Variants in PSAP observed in about 807,000 individuals in gnomAD.
PSAP encodes precursor of saposins.
In PSAP, 25 loss-of-function variants were observed where a neutral mutation model predicts 66.0. The observed-to-expected ratio is 0.38, with a 90% confidence interval of 0.28 to 0.53. The LOEUF is 0.53. Among genes scored for constraint, PSAP ranks in the 20% least tolerant of loss-of-function variants. The pLI, the probability that PSAP is intolerant of heterozygous loss-of-function variation, is 0.83. For synonymous variants in PSAP, 273 were observed against 258.9 expected (o/e 1.05, Z -0.52); for missense variants, 649 against 668.8 (o/e 0.97, Z 0.33).
intron 7 of PSAP, among the ~76,000 whole-genome samples, chr10:71,824,664 C>T (rs560974756): frequency 3.9e-5 from 6 of 152,310 alleles, no homozygotes; most frequent in African/African-American, 1.4e-4. Flanking sequence ...CAATGGCCAA[C>T]ATATTTTTAG....
chr10:71,829,906 G>T (rs995230384), intron 4 of PSAP, among the ~76,000 whole-genome samples: 1 of 152,106 alleles, frequency 6.6e-6, no homozygotes, highest in African/African-American at 2.4e-5. Context: ...GCTGAGATGG[G>T]AGAATCACTT....
chr10:71,830,221 A>C (rs1430854267), intron 4 of PSAP, among the ~76,000 whole-genome samples: 3 of 152,124 alleles, frequency 2.0e-5, no homozygotes, highest in Non-Finnish European at 2.9e-5. Flanking sequence ...CCATTTTAGC[A>C]AATAACTCCA....
chr10:71,842,079 A>ATT (rs2133063321), intron 1 of PSAP, among the ~76,000 whole-genome samples: 1 of 152,196 alleles, frequency 6.6e-6, no homozygotes, highest in South Asian at 2.1e-4. Flanking sequence ...CAAATCATCT[A>ATT]AACCAGTGGT....
intron 5 of PSAP, 115 bp from the exon 6 acceptor site, chr10:71,828,272 GC>G (rs1842433897): frequency 9.6e-7 from 1 of 1,042,272 alleles, no homozygotes; most frequent in Non-Finnish European, 1.5e-6. Context: ...TTCCTAAGAT[GC>G]TTTACAGGCT....
chr10:71,820,801 G>A (rs1469761717), intron 8 of PSAP, among the ~76,000 whole-genome samples: 2 of 152,172 alleles, frequency 1.3e-5, no homozygotes, highest in East Asian at 3.8e-4. Flanking sequence ...ATTAGCACTT[G>A]AGAATGCTCT....
chr10:71,827,042 T>C (rs888644723), intron 6 of PSAP, among the ~76,000 whole-genome samples: 7 of 152,190 alleles, frequency 4.6e-5, no homozygotes, highest in African/African-American at 1.7e-4. Flanking sequence ...TCAGCGACCA[T>C]GCTTGCTGCA....
intron 1 of PSAP, among the ~76,000 whole-genome samples, chr10:71,847,203 C>G (rs1842839318): frequency 6.6e-6 from 1 of 152,044 alleles, no homozygotes; most frequent in Non-Finnish European, 1.5e-5. Flanking sequence ...ACCTGTAATC[C>G]CAGCACTTTG....
At chr10:71,833,222 G>C (rs971482333) in intron 2 of PSAP, among the ~76,000 whole-genome samples, 7 of 152,080 alleles carry the variant, frequency 4.6e-5, no homozygotes, top group Non-Finnish European at 8.8e-5. Context: ...ACAGCACTAT[G>C]GGAGGCAGGA....
At chr10:71,848,428 GGA>G (rs1201155562) in intron 1 of PSAP, among the ~76,000 whole-genome samples, 1 of 152,148 alleles carries the variant, frequency 6.6e-6, no homozygotes, top group Non-Finnish European at 1.5e-5. Context: ...CTATGATTTG[GGA>G]GAGTCACCTC....
intron 8 of PSAP, 76 bp downstream of exon 8, chr10:71,821,800 A>C (rs1195582834): frequency 1.9e-6 from 3 of 1,596,486 alleles, no homozygotes; most frequent in Non-Finnish European, 2.6e-6. Flanking sequence ...AGTGACTCGT[A>C]AGATGTGATG....
chr10:71,824,444 C>G (rs1022711440), intron 7 of PSAP, among the ~76,000 whole-genome samples: 3 of 152,226 alleles, frequency 2.0e-5, no homozygotes, highest in Non-Finnish European at 4.4e-5. Context: ...TGCTTCCATT[C>G]AGCAGTTCCA....
At chr10:71,843,313 C>T (rs1842761706) in intron 1 of PSAP, among the ~76,000 whole-genome samples, 2 of 152,128 alleles carry the variant, frequency 1.3e-5, no homozygotes, top group African/African-American at 4.8e-5. Flanking sequence ...GGGGGAGGAG[C>T]TGAGAGGTGG....
At chr10:71,821,780 G>C in intron 8 of PSAP, 96 bp downstream of exon 8, 1 of 1,555,362 alleles carries the variant, frequency 6.4e-7, no homozygotes, top group Non-Finnish European at 8.8e-7. Context: ...GCAGGGAACC[G>C]AAAGAAACAA....
Position 71,820,229 on chromosome 10 carries a change from G to T in PSAP, c.1005+11C>A. On this transcript the variant is annotated intron_variant, in intron 9 of 13. Coordinates refer to ENST00000394936, the MANE Select transcript of PSAP (RefSeq NM_002778.4). ...AGGAGAGGCCCTCCCTCTGCCAGGA[G>T]GACAGCATACCTCAGTCTTGTTGTT... 6.2e-7 allele frequency: 1 copy of T among 1,607,034 alleles called. No individual in the cohort carries two copies.
At chr10:71,841,973 T>G (rs11813373) in intron 1 of PSAP, among the ~76,000 whole-genome samples, 70,197 of 150,352 alleles carry the variant, frequency 0.47, 17,131 homozygotes, top group Middle Eastern at 0.56. Context: ...GCCACTGCAC[T>G]CCAACCTGGG....
chr10:71,834,231 G>T, intron 2 of PSAP, 141 bp downstream of exon 2: 2 of 1,362,846 alleles, frequency 1.5e-6, no homozygotes, highest in Non-Finnish European at 2.0e-6. Context: ...AATAGGTCCT[G>T]CCTCCCACAC....
chr10:71,824,756 G>T (rs1842369241), intron 7 of PSAP, among the ~76,000 whole-genome samples: 1 of 152,130 alleles, frequency 6.6e-6, no homozygotes, highest in Admixed American at 6.5e-5. Flanking sequence ...ATTTTTGTGT[G>T]GGAAGTATTG....
At chr10:71,822,203 AG>A in intron 7 of PSAP, 196 bp from the exon 8 acceptor site, 1 of 683,740 alleles carries the variant, frequency 1.5e-6, no homozygotes, top group Non-Finnish European at 2.6e-6. Context: ...CATATGTGCC[AG>A]TTACATCTCG....
At chr10:71,844,844 A>G (rs1031462513) in intron 1 of PSAP, 1 of 152,182 alleles carries the variant, frequency 6.6e-6, no homozygotes, top group South Asian at 2.1e-4. Context: ...ACAAAAAACT[A>G]ACCTAACAAT....
Sources: allele counts gnomAD v4.1 joint callset (sites outside exome capture counted in the v4.1 genomes callset), GRCh38; gene constraint gnomAD v4.1.1; transcripts MANE v1.5; gene names NCBI Gene and HGNC (gene_info 2026-07-23, HGNC 2026-07-21).